The following KCTD17 variants were observed in gnomAD, a reference collection of about 807,000 sequenced individuals.
KCTD17 encodes the protein potassium channel tetramerization domain containing 17, also known as BTB/POZ domain-containing protein KCTD17.
In KCTD17, 20 loss-of-function variants were observed where a neutral mutation model predicts 41.5. The ratio of observed to expected loss-of-function variants is 0.48; its 90% CI spans 0.34 to 0.70. The LOEUF (loss-of-function observed/expected upper bound fraction) is 0.70. Ranked by LOEUF, KCTD17 falls within the 30% of genes least tolerant of loss-of-function variation. KCTD17 has a pLI of 0.01. For synonymous variants in KCTD17, 156 were observed against 173.8 expected (o/e 0.90, Z 0.80); for missense variants, 317 against 427.2 (o/e 0.74, Z 2.27).
rs752142758 is a variant in KCTD17 at position 37,061,161 on chromosome 22, C to T, written c.770C>T (p.Pro257Leu). The T allele has an allele frequency of 9.0e-6, 14 of 1,550,908 alleles. No individual in the cohort carries two copies. The highest frequency in any genetic ancestry group is 7.8e-5 in the Admixed American group (4 of 50,972). The change falls in exon 7 of 9, where the codon CCG becomes CTG. Residue 257 changes from proline to leucine, a missense_variant. Transcript: ENST00000403888. This position sits in a 1 kb window ranked among gnomAD's most constrained non-coding sequence, Gnocchi z 6.6. ...LFSLPPLPPP[P>L]LPAGGSRPHP... ...TCCCTCCCACCACTGCCTCCTCCTC[C>T]GCTTCCCGCTGGAGGTCCTGCCTCA...
intron 2 of KCTD17, among the ~76,000 whole-genome samples, chr22:37,055,607 C>A (rs1601487120): frequency 6.6e-6 from 1 of 152,222 alleles, no homozygotes; most frequent in Non-Finnish European, 1.5e-5. Context: ...CTGACTTCTT[C>A]ATCTCCCAGA....
chr22:37,051,817 A>G lies in KCTD17; in HGVS notation c.57A>G (p.Ala19=), dbSNP rs1203578535. The G allele has an allele frequency of 3.1e-6, 4 of 1,289,190 alleles. No individual in the cohort carries two copies. The East Asian group carries it at 9.5e-5, about 30-fold the overall frequency. 79.9% of individuals were successfully genotyped at this position (1,289,190 alleles called of 1,614,324 possible). Residue 19 remains alanine (A), a synonymous_variant, in exon 1 of 9, where the codon GCA becomes GCG. Coordinates refer to ENST00000403888, the MANE Select transcript of KCTD17 (RefSeq NM_001282684.2). ...CGGCGGGGGCGGGCGGCCGCGCCGC[A>G]GGCGGCTGGGGCAAGTGGGTGCGGC... is the stretch of plus-strand genomic sequence containing the variant. ...APPAGAGGRA[A]GGWGKWVRLN...
chr22:37,059,605 G>C, intron 5 of KCTD17, 167 bp downstream of exon 5: 1 of 802,574 alleles, frequency 1.2e-6, no homozygotes, highest in East Asian at 2.7e-5. Flanking sequence ...GCCACCTGCC[G>C]TTACCCAGGC....
In KCTD17 at chr22:37,061,069, G is replaced by A. The variant is rs753453778; in HGVS notation, c.713-35G>A. On this transcript the variant is annotated intron_variant, in intron 6 of 8. Coordinates refer to ENST00000403888, the MANE Select transcript of KCTD17 (RefSeq NM_001282684.2). This position sits in a 1 kb window ranked among gnomAD's most constrained non-coding sequence, Gnocchi z 6.6. Reference sequence around the variant, plus strand: ...CAGCCACTTGCCTGGCGCCTCACCCGCATAACCATCCCTTCTCTCACTTTC... The same window carrying A: ...CAGCCACTTGCCTGGCGCCTCACCCACATAACCATCCCTTCTCTCACTTTC... 6.9e-5 allele frequency: 107 copies of A among 1,551,346 alleles called. No homozygotes were observed. Among genetic ancestry groups the A allele is most frequent in the African/African-American group, 3.3e-4 (24 of 73,118 alleles).
intron 2 of KCTD17, among the ~76,000 whole-genome samples, chr22:37,055,919 G>A (rs1256910054): frequency 6.6e-6 from 1 of 152,228 alleles, no homozygotes; most frequent in Non-Finnish European, 1.5e-5. Flanking sequence ...ATTCAAAAAT[G>A]TAATGCACCT....
intron 2 of KCTD17, among the ~76,000 whole-genome samples, 184 bp from the exon 3 acceptor site, chr22:37,056,136 C>T (rs1925078822): frequency 1.3e-5 from 2 of 152,162 alleles, no homozygotes; most frequent in African/African-American, 2.4e-5. Context: ...GCCCCTTCCA[C>T]AGGAAGTGTG....
chr22:37,061,403 C>G lies in KCTD17; in HGVS notation c.785-136C>G, dbSNP rs1003846109. 18 of 1,474,522 alleles carry G rather than the reference C, an allele frequency of 1.2e-5. No homozygotes were observed. In the African/African-American group the frequency reaches 2.5e-4, roughly 21 times the overall value. The allele number at this position is 1,474,522 out of a possible 1,614,324, so 91.3% of individuals were successfully genotyped here. On this transcript the variant is annotated intron_variant, in intron 7 of 8. Transcript: ENST00000403888. The surrounding 1 kb of genome is among the most constrained non-coding windows in gnomAD (Gnocchi z 6.6). ...CCTTCTGGTACCTCCTGCCTCCCAG[C>G]CTGGGGAGGAGGGGCGCAGCTGCAC...
At chr22:37,057,679 C>T (rs140208779) in intron 4 of KCTD17, among the ~76,000 whole-genome samples, 186 bp downstream of exon 4, 34 of 152,266 alleles carry the variant, frequency 2.2e-4, no homozygotes, top group African/African-American at 6.7e-4. Flanking sequence ...GCAGGTTGAC[C>T]GAGAGAGAGG....
At chr22:37,058,518 A>G (rs1408888418) in intron 4 of KCTD17, among the ~76,000 whole-genome samples, 1 of 152,118 alleles carries the variant, frequency 6.6e-6, no homozygotes. Flanking sequence ...AGAAATCCAT[A>G]TTGAAGTCTG....
Position 37,057,400 on chromosome 22 carries a change from C to G in KCTD17, c.393C>G (p.Val131=). 1 of 1,613,514 alleles carries G rather than the reference C, an allele frequency of 6.2e-7. No homozygotes were observed. Among genetic ancestry groups the G allele is most frequent in the Non-Finnish European group, 8.5e-7 (1 of 1,179,638 alleles). ...CTATGTGACCCTTCTGCCCACAGGT[C>G]CCACCCAAGCACGTGTACCGCGTGC... ...MEEKDYTVTQ[V]PPKHVYRVLQ... is the part of the protein sequence containing the mutation. The change falls in exon 4 of 9, where the codon GTC becomes GTG. Residue 131 remains valine (V), a splice_region_variant and synonymous_variant. Transcript: ENST00000403888.
chr22:37,062,380 A>T, intron 8 of KCTD17, 145 bp from the exon 9 acceptor site: 4 of 1,424,164 alleles, frequency 2.8e-6, no homozygotes, highest in Non-Finnish European at 3.7e-6. Flanking sequence ...TCCAGAAGGA[A>T]GCCTGTGACT....
At chr22:37,057,686 G>C (rs750625624) in intron 4 of KCTD17, among the ~76,000 whole-genome samples, 193 bp downstream of exon 4, 1 of 152,228 alleles carries the variant, frequency 6.6e-6, no homozygotes, top group Non-Finnish European at 1.5e-5. Flanking sequence ...GACCGAGAGA[G>C]AGGATAGGAG....
chr22:37,055,957 G>A (rs1210448098), intron 2 of KCTD17, among the ~76,000 whole-genome samples: 1 of 152,116 alleles, frequency 6.6e-6, no homozygotes, highest in Non-Finnish European at 1.5e-5. Context: ...TAATAAATAG[G>A]AGCACATAAT....
chr22:37,061,246 C>T lies in KCTD17; in HGVS notation c.784+71C>T, dbSNP rs1925741611. 2 of 1,545,998 alleles carry T rather than the reference C, an allele frequency of 1.3e-6. No homozygotes were observed. The highest frequency in any genetic ancestry group is 2.4e-5 in the South Asian group (2 of 84,034). On this transcript the variant is annotated intron_variant, in intron 7 of 8. Coordinates refer to ENST00000403888, the MANE Select transcript of KCTD17 (RefSeq NM_001282684.2). This position sits in a 1 kb window ranked among gnomAD's most constrained non-coding sequence, Gnocchi z 6.6. ...CTGCACCCTGCCTCTTCCCTCTCTGCCCCTGTCCGGGTTTTCTCTCTGCCT... is the reference window on the plus strand; with the variant it reads ...CTGCACCCTGCCTCTTCCCTCTCTGTCCCTGTCCGGGTTTTCTCTCTGCCT...
chr22:37,056,450 C>A (rs1483856671), intron 3 of KCTD17, 39 bp downstream of exon 3: 1 of 1,528,238 alleles, frequency 6.5e-7, no homozygotes, highest in Non-Finnish European at 9.0e-7. Context: ...AGGGCAGGGG[C>A]CAGTGGGGAG....
At chr22:37,059,292 C>T in intron 4 of KCTD17, 21 bp from the exon 5 acceptor site, 1 of 1,610,630 alleles carries the variant, frequency 6.2e-7, no homozygotes, top group Non-Finnish European at 8.5e-7. Flanking sequence ...GCATTTTTCT[C>T]CCCATGCTCC....
chr22:37,057,580 C>G, intron 4 of KCTD17, 87 bp downstream of exon 4: 3 of 1,057,130 alleles, frequency 2.8e-6, no homozygotes, highest in Non-Finnish European at 4.2e-6. Flanking sequence ...CCTGCAGCCC[C>G]AGCCTTGGGT....
intron 4 of KCTD17, 49 bp from the exon 5 acceptor site, chr22:37,059,264 G>C: frequency 6.2e-7 from 1 of 1,605,878 alleles, no homozygotes; most frequent in South Asian, 1.1e-5. Context: ...CCTGCCCCAC[G>C]GCCCCCAACA....
chr22:37,054,777 C>G (rs75327537), intron 2 of KCTD17, among the ~76,000 whole-genome samples: 1 of 152,140 alleles, frequency 6.6e-6, no homozygotes, highest in Non-Finnish European at 1.5e-5. Flanking sequence ...AGGGCTCCGC[C>G]CAGGGCACTG....
Sources: allele counts gnomAD v4.1 joint callset (sites outside exome capture counted in the v4.1 genomes callset), GRCh38; gene constraint gnomAD v4.1.1; non-coding constraint Gnocchi (gnomAD v3.1); transcripts MANE v1.5; gene names NCBI Gene and HGNC (gene_info 2026-07-23, HGNC 2026-07-21).